Variants in PDE3A observed in about 807,000 individuals in gnomAD.
The protein encoded by PDE3A is cGMP-inhibited 3',5'-cyclic phosphodiesterase 3A.
PDE3A carries 43 observed loss-of-function variants against 98.3 expected under a neutral mutation model. That is an observed-to-expected ratio of 0.44 (90% CI 0.34 to 0.56). The LOEUF is 0.56. Among genes scored for constraint, PDE3A ranks in the 20% least tolerant of loss-of-function variants. The pLI is 0.01. For synonymous variants in PDE3A, 663 were observed against 567.9 expected (o/e 1.17, Z -2.38); for missense variants, 1,427 against 1,440.7 (o/e 0.99, Z 0.15).
intron 1 of PDE3A, among the ~76,000 whole-genome samples, chr12:20,554,612 G>T (rs1388898642): frequency 1.3e-5 from 2 of 150,202 alleles, no homozygotes; most frequent in Non-Finnish European, 3.0e-5. Flanking sequence ...TGTGAGACAG[G>T]GTGTCACTCT....
intron 15 of PDE3A, among the ~76,000 whole-genome samples, chr12:20,668,929 G>T (rs1945395011): frequency 6.7e-6 from 1 of 150,236 alleles, no homozygotes; most frequent in African/African-American, 2.5e-5. Flanking sequence ...CAAACCAAAG[G>T]CAAAGAAGTT....
chr12:20,663,190 T>C (rs1161981483), intron 15 of PDE3A, among the ~76,000 whole-genome samples: 2 of 152,200 alleles, frequency 1.3e-5, no homozygotes, highest in Admixed American at 6.5e-5. Flanking sequence ...AAAGAGGATG[T>C]ATGGCAATGC....
chr12:20,671,742 C>T (rs1197982210), intron 15 of PDE3A, among the ~76,000 whole-genome samples: 5 of 139,322 alleles, frequency 3.6e-5, no homozygotes, highest in Non-Finnish European at 7.8e-5. Context: ...CAGCCAATAT[C>T]ATACTGAATG....
At chr12:20,612,159 A>T (rs1006745751) in intron 2 of PDE3A, among the ~76,000 whole-genome samples, 1 of 151,954 alleles carries the variant, frequency 6.6e-6, no homozygotes. Flanking sequence ...GCTTGGTGTT[A>T]TAAATCTTTT....
intron 4 of PDE3A, among the ~76,000 whole-genome samples, chr12:20,618,372 T>C (rs929780956): frequency 6.6e-6 from 1 of 152,152 alleles, no homozygotes; most frequent in African/African-American, 2.4e-5. Context: ...CCTTTCCATA[T>C]CTTTTCATTT....
chr12:20,501,535 A>T (rs1946025684), intron 1 of PDE3A, among the ~76,000 whole-genome samples: 1 of 152,186 alleles, frequency 6.6e-6, no homozygotes, highest in African/African-American at 2.4e-5. Context: ...ATTTAAAAGG[A>T]GTAAAACTTT....
At chr12:20,621,446 G>A (rs891672810) in intron 5 of PDE3A, 35 bp downstream of exon 5, 1 of 1,084,900 alleles carries the variant, frequency 9.2e-7, no homozygotes, top group Non-Finnish European at 1.4e-6. Flanking sequence ...TTCATACTGT[G>A]AGTGTGGAGT....
At chr12:20,397,975 T>A (rs563964824) in intron 1 of PDE3A, among the ~76,000 whole-genome samples, 1 of 152,238 alleles carries the variant, frequency 6.6e-6, no homozygotes, top group South Asian at 2.1e-4. Flanking sequence ...TAATTGAACA[T>A]TAATTGATTA....
intron 2 of PDE3A, among the ~76,000 whole-genome samples, chr12:20,595,045 C>T (rs541405557): frequency 1.7e-4 from 26 of 151,910 alleles, no homozygotes; most frequent in Admixed American, 1.6e-3. Flanking sequence ...TAAAAGAAAA[C>T]TTTACTTCAA....
At chr12:20,406,699 C>T (rs1267454015) in intron 1 of PDE3A, among the ~76,000 whole-genome samples, 2 of 152,008 alleles carry the variant, frequency 1.3e-5, no homozygotes, top group African/African-American at 2.4e-5. Flanking sequence ...TGTGGAGAAG[C>T]CTTTTAGTTT....
At chr12:20,433,507 A>G (rs1234248832) in intron 1 of PDE3A, among the ~76,000 whole-genome samples, 1 of 152,192 alleles carries the variant, frequency 6.6e-6, no homozygotes, top group Non-Finnish European at 1.5e-5. Flanking sequence ...CTTTAAATAT[A>G]TGAAAATTTT....
At chr12:20,442,215 AT>A (rs1482842514) in intron 1 of PDE3A, among the ~76,000 whole-genome samples, 1 of 152,146 alleles carries the variant, frequency 6.6e-6, no homozygotes, top group African/African-American at 2.4e-5. Flanking sequence ...TATGTAATGT[AT>A]TTTTTACCCC....
chr12:20,442,698 T>G (rs1424424663), intron 1 of PDE3A, among the ~76,000 whole-genome samples: 5 of 152,212 alleles, frequency 3.3e-5, no homozygotes, highest in Admixed American at 6.5e-5. Context: ...TGTAATAGTG[T>G]CGAGTCAAAT....
chr12:20,439,533 C>T (rs1305208884), intron 1 of PDE3A, among the ~76,000 whole-genome samples: 1 of 151,636 alleles, frequency 6.6e-6, no homozygotes, highest in Non-Finnish European at 1.5e-5. Flanking sequence ...TGACCTATTG[C>T]ACTTAAAAAT....
At chr12:20,504,071 T>G (rs2121092606) in intron 1 of PDE3A, among the ~76,000 whole-genome samples, 1 of 152,280 alleles carries the variant, frequency 6.6e-6, no homozygotes, top group South Asian at 2.1e-4. Context: ...TAGTACTAGT[T>G]AGATCTGGGA....
At chr12:20,516,751 TGTTAA>T (rs1328512342) in intron 1 of PDE3A, among the ~76,000 whole-genome samples, 1 of 152,226 alleles carries the variant, frequency 6.6e-6, no homozygotes. Flanking sequence ...TTTTCTAATT[TGTTAA>T]GTTAAATATT....
At chr12:20,522,358 A>G (rs1258962465) in intron 1 of PDE3A, among the ~76,000 whole-genome samples, 2 of 152,178 alleles carry the variant, frequency 1.3e-5, no homozygotes, top group Non-Finnish European at 2.9e-5. Flanking sequence ...GCCTAGACCT[A>G]TTGAATCTGA....
chr12:20,659,161 ATTT>A (rs922226981), intron 15 of PDE3A, among the ~76,000 whole-genome samples: 2 of 151,430 alleles, frequency 1.3e-5, no homozygotes, highest in Admixed American at 6.6e-5. Flanking sequence ...GAATATCATA[ATTT>A]TTTTTTCCTT....
intron 2 of PDE3A, among the ~76,000 whole-genome samples, chr12:20,612,723 C>CT (rs1943900099): frequency 4.6e-5 from 2 of 43,218 alleles, no homozygotes; most frequent in African/African-American, 1.1e-4. Context: ...AAGTAATAAA[C>CT]TATATGTAAG....
Sources: gnomAD v4.1 joint callset for allele counts (sites outside exome capture counted in the v4.1 genomes callset) on GRCh38, gnomAD v4.1.1 for gene constraint, MANE v1.5 for transcripts, NCBI Gene and HGNC (gene_info 2026-07-23, HGNC 2026-07-21) for gene names.